Variants in SPEN observed in about 807,000 individuals in gnomAD.
SPEN encodes spen family transcriptional repressor.
In SPEN, 18 loss-of-function variants were observed where a neutral mutation model predicts 269.9. The ratio of observed to expected loss-of-function variants is 0.07; its 90% CI spans 0.05 to 0.10. SPEN has a LOEUF of 0.10. Among genes scored for constraint, SPEN ranks in the 10% least tolerant of loss-of-function variants. SPEN has a pLI of 1.00. For synonymous variants in SPEN, 1,726 were observed against 1,765.7 expected (o/e 0.98, Z 0.56); for missense variants, 3,822 against 4,631.2 (o/e 0.83, Z 5.07).
rs2070293914 is a variant in SPEN, at chr1:15,848,227, C to T, written c.83+77C>T. The stretch of plus-strand genomic sequence containing the variant: ...GCCCCGGCCCGTTGCCGGCCCCTCC[C>T]GGAGCGCGGAGCTGGTGAGGAGGAC... On this transcript the variant is annotated intron_variant, in intron 1 of 14. Coordinates refer to ENST00000375759, the MANE Select transcript of SPEN (RefSeq NM_015001.3). This position sits in a 1 kb window ranked among gnomAD's most constrained non-coding sequence, Gnocchi z 5.1. 9 of 1,067,012 alleles carry T rather than the reference C, an allele frequency of 8.4e-6. No homozygotes were observed. The South Asian group carries it at 1.3e-4, about 15-fold the overall frequency. The allele number at this position is 1,067,012 out of a possible 1,614,324, so 66.1% of individuals were successfully genotyped here.
intron 9 of SPEN, 84 bp from the exon 10 acceptor site, chr1:15,922,165 T>G: frequency 9.8e-7 from 1 of 1,024,118 alleles, no homozygotes; most frequent in South Asian, 1.4e-5. Context: ...AAGGGCTATG[T>G]TGTGAAGAAT....
chr1:15,928,126 A>G lies in SPEN; in HGVS notation c.1886A>G (p.Asp629Gly). 1 of 1,613,838 alleles carries G rather than the reference A, an allele frequency of 6.2e-7. No individual in the cohort carries two copies. Among genetic ancestry groups the G allele is most frequent in the Non-Finnish European group, 8.5e-7 (1 of 1,179,832 alleles). ...AGGGCATCCTACGACTATAACCAAG[A>G]TCGTACATATTATGAGAGTGTTCGA... is the stretch of plus-strand genomic sequence containing the variant. ...ERRASYDYNQ[D>G]RTYYESVRTP... Residue 629 changes from aspartate to glycine, a missense_variant, in exon 11 of 15, where the codon GAT becomes GGT. Coordinates refer to ENST00000375759, the MANE Select transcript of SPEN (RefSeq NM_015001.3). The surrounding 1 kb of genome is among the most constrained non-coding windows in gnomAD (Gnocchi z 5.7).
In SPEN at chr1:15,872,940, G is replaced by A; in HGVS notation, c.208G>A (p.Gly70Ser). The A allele has an allele frequency of 1.2e-6, 2 of 1,610,568 alleles. No homozygotes were observed. The highest frequency in any genetic ancestry group is 1.7e-6 in the Non-Finnish European group (2 of 1,177,126). The part of the protein sequence containing the change: ...QKAHNSVNKM[G>S]DRDLRTDYNE... Reference sequence around the variant, plus strand: ...AGCTCACAACTCGGTCAACAAAATGGGTGACAGAGACCTACGCACGGATTA... The same window carrying A: ...AGCTCACAACTCGGTCAACAAAATGAGTGACAGAGACCTACGCACGGATTA... The change falls in exon 2 of 15, where the codon GGT (glycine) becomes AGT (serine). Residue 70 changes from glycine (G) to serine (S), a missense_variant. Coordinates refer to ENST00000375759, the MANE Select transcript of SPEN (RefSeq NM_015001.3).
In SPEN at chr1:15,930,026, C is replaced by T. The variant is rs1336735931; in HGVS notation, c.3786C>T (p.Pro1262=). Residue 1262 remains proline (P), a synonymous_variant, in exon 11 of 15, where the codon CCC becomes CCT. Coordinates refer to ENST00000375759, the MANE Select transcript of SPEN (RefSeq NM_015001.3). This position sits in a 1 kb window ranked among gnomAD's most constrained non-coding sequence, Gnocchi z 5.3. ...SEDSERTGGS[P]SVRHGSFHED... is the part of the protein sequence containing the mutation. ...ATTCTGAAAGGACTGGTGGTTCTCC[C>T]AGTGTCCGACATGGTTCCTTCCATG... The T allele has an allele frequency of 6.8e-6, 11 of 1,614,040 alleles. No homozygotes were observed. In the African/African-American group the frequency reaches 1.5e-4, roughly 22 times the overall value.
chr1:15,923,419 C>CT lies in SPEN; in HGVS notation c.1850+1071dup, dbSNP rs1418028147. ...GATTAAGTTTCCTGGAATGTTCCCA[C>CT]TAGGTCTCCACCCCTATATGTGTTA... is the stretch of plus-strand genomic sequence containing the variant. On this transcript the variant is annotated intron_variant, in intron 10 of 14. Transcript: ENST00000375759. 2.6e-5 allele frequency among the ~76,000 whole-genome samples: 4 copies of CT among 152,138 alleles called. No individual in the cohort carries two copies. In the East Asian group the frequency reaches 7.7e-4, roughly 29 times the overall value.
chr1:15,936,290 A>T lies in SPEN; in HGVS notation c.10026+24A>T, dbSNP rs200144207. ...AGGTGAGCCAGCCAGGTATCTCCCC[A>T]CTGTCTGTTGGGCATGTGCTTGTGG... On this transcript the variant is annotated intron_variant, in intron 11 of 14. Coordinates refer to ENST00000375759, the MANE Select transcript of SPEN (RefSeq NM_015001.3). The T allele has an allele frequency of 4.2e-5, 64 of 1,518,388 alleles. No homozygotes were observed. In the Admixed American group the frequency reaches 1.2e-3, roughly 29 times the overall value. The allele number at this position is 1,518,388 out of a possible 1,614,324, so 94.1% of individuals were successfully genotyped here. A position where few individuals can be genotyped will look rare whatever the true frequency, so the allele number is the denominator to read the frequency against.
rs143078767 is a variant in SPEN at position 15,934,460 on chromosome 1, C to T, written c.8220C>T (p.Thr2740=). The T allele has an allele frequency of 3.5e-5, 57 of 1,613,860 alleles. No homozygotes were observed. Among genetic ancestry groups the T allele is most frequent in the African/African-American group, 9.3e-5 (7 of 74,934 alleles). The stretch of plus-strand genomic sequence containing the variant: ...TGAATGCCACAGCAAGTGCAGTGAC[C>T]GTCACAGCGGGTGCGGTTACTGCTG... ...SAVNATASAV[T]VTAGAVTAAS... is the part of the protein sequence containing the mutation. Residue 2740 remains threonine (T), a synonymous_variant, in exon 11 of 15, where the codon ACC becomes ACT. Coordinates refer to ENST00000375759, the MANE Select transcript of SPEN (RefSeq NM_015001.3). This position sits in a 1 kb window ranked among gnomAD's most constrained non-coding sequence, Gnocchi z 9.2.
At chr1:15,893,708 G>A (rs759922393) in intron 3 of SPEN, among the ~76,000 whole-genome samples, 8 of 152,042 alleles carry the variant, frequency 5.3e-5, no homozygotes, top group Admixed American at 1.3e-4. Flanking sequence ...CTCAAGCCTG[G>A]GCAACAGAGC....
chr1:15,889,974 C>G (rs1311075403), intron 3 of SPEN, among the ~76,000 whole-genome samples: 2 of 152,162 alleles, frequency 1.3e-5, no homozygotes, highest in Non-Finnish European at 2.9e-5. Flanking sequence ...CTCGGCCTCC[C>G]AAAGTGCTGG....
intron 10 of SPEN, among the ~76,000 whole-genome samples, chr1:15,923,164 A>T (rs1570051746): frequency 6.6e-6 from 1 of 152,366 alleles, no homozygotes; most frequent in East Asian, 1.9e-4. Context: ...TGAATCAATA[A>T]GCCAAAGCAT....
rs544692419 is a variant in SPEN, at chr1:15,919,587, C to G, written c.1635+70C>G. Reference sequence around the variant, plus strand: ...CGTCTTGGTATTCTCTCCTTTCAGTCTCAGTTGGCTAGCATTGCCTATTTC... The same window carrying G: ...CGTCTTGGTATTCTCTCCTTTCAGTGTCAGTTGGCTAGCATTGCCTATTTC... On this transcript the variant is annotated intron_variant, in intron 8 of 14. Transcript: ENST00000375759. 44 of 927,786 alleles carry G rather than the reference C, an allele frequency of 4.7e-5. 1 individual carries two copies. The South Asian group carries it at 8.3e-4, about 18-fold the overall frequency. 57.5% of individuals were successfully genotyped at this position (927,786 alleles called of 1,614,324 possible).
chr1:15,860,234 C>G (rs1201698307), intron 1 of SPEN, among the ~76,000 whole-genome samples: 1 of 151,352 alleles, frequency 6.6e-6, no homozygotes, highest in Non-Finnish European at 1.5e-5. Flanking sequence ...AAGGCATAGA[C>G]TTCAGTGACT....
At chr1:15,897,258 C>T (rs949460862) in intron 3 of SPEN, among the ~76,000 whole-genome samples, 2 of 152,044 alleles carry the variant, frequency 1.3e-5, no homozygotes, top group African/African-American at 2.4e-5. Flanking sequence ...GGTTCAATCT[C>T]GGCTCACTGC....
In SPEN at chr1:15,937,170, C is replaced by G. The variant is rs35291379; in HGVS notation, c.10034C>G (p.Pro3345Arg). 19 of 1,610,326 alleles carry G rather than the reference C, an allele frequency of 1.2e-5. No individual in the cohort carries two copies. Among genetic ancestry groups the G allele is most frequent in the Non-Finnish European group, 1.6e-5 (19 of 1,177,656 alleles). The change falls in exon 12 of 15, where the codon CCT becomes CGT. Residue 3345 changes from proline (P) to arginine (R), a missense_variant. By Grantham distance (103) the Pro-to-Arg change is moderately radical (BLOSUM62 -2). This residue lies in a region of SPEN where 359 missense variants were observed against 377.3 expected (regional missense o/e 0.95). Transcript: ENST00000375759. The surrounding 1 kb of genome is among the most constrained non-coding windows in gnomAD (Gnocchi z 5.7). ...CTTCCTTCCCTACACCAGGGCCCTCCTCCTGAAGGTGAGCCCCTGCAGCCT... is the reference window on the plus strand; with the variant it reads ...CTTCCTTCCCTACACCAGGGCCCTCGTCCTGAAGGTGAGCCCCTGCAGCCT... ...SRTKTAAQGP[P>R]PEGEPLQPPQ...
intron 2 of SPEN, chr1:15,874,446 A>C (rs556149180): frequency 1.6e-6 from 2 of 1,274,782 alleles, no homozygotes; most frequent in Admixed American, 2.6e-5. Context: ...ACCCAAGTCA[A>C]ACTCTCTTTT....
chr1:15,927,969 A>T, intron 10 of SPEN, 122 bp from the exon 11 acceptor site: 1 of 925,122 alleles, frequency 1.1e-6, no homozygotes, highest in Non-Finnish European at 1.6e-6. Context: ...TAATCATTTC[A>T]CAAATGATTA....
intron 1 of SPEN, among the ~76,000 whole-genome samples, chr1:15,853,794 G>A (rs1041869932): frequency 4.6e-5 from 7 of 151,848 alleles, no homozygotes; most frequent in Non-Finnish European, 5.9e-5. Flanking sequence ...TTAGCCTCCC[G>A]AGTAGCTGGG....
At chr1:15,884,983 C>T (rs751223018) in intron 3 of SPEN, among the ~76,000 whole-genome samples, 21 of 151,976 alleles carry the variant, frequency 1.4e-4, no homozygotes, top group Non-Finnish European at 2.6e-4. Context: ...CACCTGCCTC[C>T]GCCTCCCAAA....
At chr1:15,914,125 A>G (rs892083976) in intron 5 of SPEN, among the ~76,000 whole-genome samples, 4 of 152,200 alleles carry the variant, frequency 2.6e-5, no homozygotes, top group African/African-American at 9.7e-5. Flanking sequence ...AGTCCTGGGT[A>G]GTTTCTGAGT....
Sources: gnomAD v4.1 joint callset for allele counts (sites outside exome capture counted in the v4.1 genomes callset) on GRCh38, gnomAD v4.1.1 for gene constraint, gnomAD v4.1.1 regional missense constraint, Gnocchi (gnomAD v3.1) non-coding constraint, MANE v1.5 for transcripts, NCBI Gene and HGNC (gene_info 2026-07-23, HGNC 2026-07-21) for gene names.